Variants in PHTF2 observed in about 807,000 individuals in gnomAD.
The protein encoded by PHTF2 is protein PHTF2.
Under a neutral mutation model 101.2 loss-of-function variants are expected in PHTF2, and 60 were observed. That is an observed-to-expected ratio of 0.59 (90% CI 0.48 to 0.73). The LOEUF (loss-of-function observed/expected upper bound fraction) is 0.73. PHTF2 is among the 30% of genes least tolerant of loss of function. The pLI is 0.00. For missense variants in PHTF2, 747 were observed against 908.7 expected, an observed-to-expected ratio of 0.82 and a Z score of 2.29; for synonymous variants, 311 against 307.3, an observed-to-expected ratio of 1.01 and a Z score of -0.13.
intron 3 of PHTF2, among the ~76,000 whole-genome samples, chr7:77,866,420 C>T (rs992258612): frequency 6.6e-6 from 1 of 152,102 alleles, no homozygotes; most frequent in Non-Finnish European, 1.5e-5. Flanking sequence ...AATATCATTT[C>T]TCAATTTATT....
At chr7:77,878,921 A>G (rs567505716) in intron 3 of PHTF2, among the ~76,000 whole-genome samples, 11 of 152,360 alleles carry the variant, frequency 7.2e-5, no homozygotes, top group Admixed American at 6.5e-4. Context: ...GTATCTAGAT[A>G]GATCTATCTA....
At chr7:77,887,630 T>C (rs1019619366) in intron 3 of PHTF2, among the ~76,000 whole-genome samples, 1 of 152,236 alleles carries the variant, frequency 6.6e-6, no homozygotes, top group Admixed American at 6.5e-5. Flanking sequence ...AAATCTTTAA[T>C]TGACCTTGTT....
At chr7:77,915,736 C>T (rs1283258823) in intron 9 of PHTF2, among the ~76,000 whole-genome samples, 1 of 152,108 alleles carries the variant, frequency 6.6e-6, no homozygotes, top group Non-Finnish European at 1.5e-5. Context: ...GGGTTTTTTC[C>T]TTGCCAAGGG....
chr7:77,851,264 T>C (rs1469052765), intron 2 of PHTF2, among the ~76,000 whole-genome samples: 1 of 152,202 alleles, frequency 6.6e-6, no homozygotes, highest in Non-Finnish European at 1.5e-5. Flanking sequence ...GGACTTTTTA[T>C]TACAGCTTTG....
chr7:77,928,779 G>A (rs780989830), intron 11 of PHTF2, among the ~76,000 whole-genome samples: 3 of 152,152 alleles, frequency 2.0e-5, no homozygotes, highest in Non-Finnish European at 2.9e-5. Context: ...AATGTTCACC[G>A]TGCAGACCGT....
intron 3 of PHTF2, among the ~76,000 whole-genome samples, chr7:77,875,329 AT>A (rs944119486): frequency 7.3e-4 from 111 of 152,086 alleles, no homozygotes; most frequent in African/African-American, 2.6e-3. Context: ...TTTTAAAAAA[AT>A]AGTTTAATTT....
intron 3 of PHTF2, among the ~76,000 whole-genome samples, chr7:77,892,267 G>A (rs927523760): frequency 1.3e-5 from 2 of 152,128 alleles, no homozygotes; most frequent in African/African-American, 4.8e-5. Flanking sequence ...TCCAGCCTGG[G>A]CAACAGAGCG....
At chr7:77,929,265 G>A in exon 12 of PHTF2, 1 of 1,611,764 alleles carries the variant, frequency 6.2e-7, no homozygotes, top group Non-Finnish European at 8.5e-7. Flanking sequence ...TGAGACAGAT[G>A]TGGAAAATCA....
At chr7:77,868,736 G>C (rs1200899867) in intron 3 of PHTF2, among the ~76,000 whole-genome samples, 1 of 152,040 alleles carries the variant, frequency 6.6e-6, no homozygotes, top group African/African-American at 2.4e-5. Flanking sequence ...AAAGCCTATG[G>C]GCTTTTATGC....
At chr7:77,955,531 C>T (rs1157410427) in exon 20 of PHTF2, 1 of 152,506 alleles carries the variant, frequency 6.6e-6, no homozygotes, top group Non-Finnish European at 1.5e-5. Flanking sequence ...ACTAGTAATA[C>T]TTGTATTTAT....
At chr7:77,878,214 A>T (rs1386412272) in intron 3 of PHTF2, among the ~76,000 whole-genome samples, 1 of 152,024 alleles carries the variant, frequency 6.6e-6, no homozygotes, top group Non-Finnish European at 1.5e-5. Context: ...GTTTTGTTTT[A>T]GGATAATTTG....
At chr7:77,810,278 C>A (rs778702669) in intron 1 of PHTF2, among the ~76,000 whole-genome samples, 7 of 152,038 alleles carry the variant, frequency 4.6e-5, no homozygotes, top group Admixed American at 1.3e-4. Context: ...TAAGATTATT[C>A]TTCTTCATAA....
At chr7:77,842,592 C>T (rs1039109024) in intron 2 of PHTF2, among the ~76,000 whole-genome samples, 7 of 152,068 alleles carry the variant, frequency 4.6e-5, no homozygotes, top group African/African-American at 1.4e-4. Flanking sequence ...CCATCCCTAT[C>T]CTTACCTAAC....
chr7:77,920,516 T>C, intron 10 of PHTF2, 51 bp downstream of exon 9: 3 of 1,385,106 alleles, frequency 2.2e-6, no homozygotes, highest in Non-Finnish European at 3.1e-6. Flanking sequence ...TATTAGCCAA[T>C]GTAAAGTGAC....
intron 2 of PHTF2, among the ~76,000 whole-genome samples, chr7:77,846,030 G>C (rs542683538): frequency 6.6e-6 from 1 of 152,204 alleles, no homozygotes; most frequent in Admixed American, 6.5e-5. Flanking sequence ...TCTCCATGTT[G>C]TGAGAATAAG....
intron 1 of PHTF2, among the ~76,000 whole-genome samples, chr7:77,810,623 C>T (rs1793364610): frequency 1.3e-5 from 2 of 152,114 alleles, no homozygotes; most frequent in Non-Finnish European, 2.9e-5. Context: ...CTGCAACTTC[C>T]ACCTCCCTGG....
chr7:77,899,838 G>T (rs577892335), intron 5 of PHTF2, among the ~76,000 whole-genome samples: 1 of 152,074 alleles, frequency 6.6e-6, no homozygotes, highest in South Asian at 2.1e-4. Context: ...GTGTCATCTC[G>T]CAGTAATTGG....
exon 1 of PHTF2, chr7:77,798,884 C>T (rs1792290772): frequency 6.6e-6 from 1 of 152,664 alleles, no homozygotes; most frequent in African/African-American, 2.4e-5. Context: ...CGTTGTGGCT[C>T]CTTGGGCTCT....
intron 3 of PHTF2, among the ~76,000 whole-genome samples, chr7:77,872,512 G>T (rs1418503577): frequency 6.6e-6 from 1 of 152,176 alleles, no homozygotes; most frequent in Non-Finnish European, 1.5e-5. Flanking sequence ...CTTTGCCTCT[G>T]CTGTCCATTA....
Sources: gnomAD v4.1 joint callset for allele counts (sites outside exome capture counted in the v4.1 genomes callset) on GRCh38, gnomAD v4.1.1 for gene constraint, MANE v1.5 for transcripts, NCBI Gene and HGNC (gene_info 2026-07-23, HGNC 2026-07-21) for gene names.